The following YEATS4 variants were observed in gnomAD, a reference collection of about 807,000 sequenced individuals.
YEATS4 encodes the protein YEATS domain containing 4.
YEATS4 carries 17 observed loss-of-function variants against 30.1 expected under a neutral mutation model. The observed-to-expected ratio is 0.56, with a 90% CI of 0.39 to 0.85. The LOEUF (loss-of-function observed/expected upper bound fraction) is 0.85. Among genes scored for constraint, YEATS4 ranks in the 40% least tolerant of loss-of-function variants. YEATS4 has a pLI of 0.00. For synonymous variants in YEATS4, 85 were observed against 87.5 expected (o/e 0.97, Z 0.16); for missense variants, 142 against 268.3 (o/e 0.53, Z 3.29).
chr12:69,418,008 G>A, the YEATS4 span, among the ~76,000 whole-genome samples: 3 of 151,980 alleles, frequency 2.0e-5, no homozygotes, highest in Non-Finnish European at 4.4e-5. Flanking sequence ...TGGCTCTTTC[G>A]TTTACCTTAG....
At chr12:69,426,001 A>T in the YEATS4 span, among the ~76,000 whole-genome samples, 1 of 152,208 alleles carries the variant, frequency 6.6e-6, no homozygotes, top group African/African-American at 2.4e-5. Flanking sequence ...TTGGGAGGCC[A>T]AGGCAGGAGG....
At chr12:69,389,094 A>G (rs943789661) in intron 6 of YEATS4, among the ~76,000 whole-genome samples, 1 of 152,178 alleles carries the variant, frequency 6.6e-6, no homozygotes, top group African/African-American at 2.4e-5. Context: ...AAATTTTAGC[A>G]GTTATTGCCA....
intron 4 of YEATS4, among the ~76,000 whole-genome samples, chr12:69,367,895 C>G (rs963109574): frequency 6.6e-6 from 1 of 152,126 alleles, no homozygotes; most frequent in Non-Finnish European, 1.5e-5. Context: ...TGAGAATATG[C>G]TGCCTTACCT....
At chr12:69,381,142 T>G (rs1341986417) in intron 6 of YEATS4, among the ~76,000 whole-genome samples, 1 of 152,006 alleles carries the variant, frequency 6.6e-6, no homozygotes, top group Non-Finnish European at 1.5e-5. Flanking sequence ...AGCCTGGGAG[T>G]GCTACGGGAG....
chr12:69,407,629 A>C, the YEATS4 span, among the ~76,000 whole-genome samples: 1 of 150,788 alleles, frequency 6.6e-6, no homozygotes, highest in African/African-American at 2.4e-5. Flanking sequence ...TAGCACTGAG[A>C]ATGTCATGAT....
At position 69,359,920 on chromosome 12, in the gene YEATS4, C is replaced by T; in HGVS notation, c.-53C>T. Reference sequence around the variant, plus strand: ...GCGGTCTCTGAGGGGAGCGGCGACCCCGCCAGCCCCGGTCTCTTTCCCTGG... The same window carrying T: ...GCGGTCTCTGAGGGGAGCGGCGACCTCGCCAGCCCCGGTCTCTTTCCCTGG... On this transcript the variant is annotated 5_prime_UTR_variant, in exon 1 of 7. Coordinates refer to ENST00000247843, the MANE Select transcript of YEATS4 (RefSeq NM_006530.4). The T allele has an allele frequency of 1.2e-6, 2 of 1,606,256 alleles. No homozygotes were observed. Among genetic ancestry groups the T allele is most frequent in the East Asian group, 2.2e-5 (1 of 44,486 alleles).
intron 6 of YEATS4, among the ~76,000 whole-genome samples, chr12:69,381,236 G>A (rs1266207983): frequency 6.6e-6 from 1 of 152,146 alleles, no homozygotes; most frequent in Non-Finnish European, 1.5e-5. Context: ...TACCCTCAGG[G>A]ACACATTCTC....
intron 6 of YEATS4, among the ~76,000 whole-genome samples, chr12:69,382,173 G>T (rs926795438): frequency 2.0e-5 from 3 of 152,214 alleles, no homozygotes; most frequent in Admixed American, 6.5e-5. Context: ...AAGTATTCCA[G>T]TTGCACTGCA....
At chr12:69,400,531 C>A in the YEATS4 span, among the ~76,000 whole-genome samples, 3 of 151,004 alleles carry the variant, frequency 2.0e-5, no homozygotes, top group Non-Finnish European at 3.0e-5. Context: ...ACAAAAAATA[C>A]AAATGGTAAT....
chr12:69,400,712 G>A, the YEATS4 span, among the ~76,000 whole-genome samples: 5 of 149,464 alleles, frequency 3.3e-5, no homozygotes, highest in Admixed American at 6.7e-5. Flanking sequence ...AAAAAAAAAA[G>A]GATGTATGAA....
In YEATS4 at chr12:69,364,686, C is replaced by T. The variant is rs1875359835; in HGVS notation, c.172-947C>T. On this transcript the variant is annotated intron_variant, in intron 2 of 6. Transcript: ENST00000247843. ...CCTGGCTGGAATGCAATGGTGTGAT[C>T]TCAGCTTATTGCAACCTCCGCCTCC... Among the ~76,000 whole-genome samples, 8 of 152,168 alleles carry T rather than the reference C, an allele frequency of 5.3e-5. No individual in the cohort carries two copies. In the South Asian group the frequency reaches 1.4e-3, roughly 28 times the overall value.
chr12:69,398,958 G>A, the YEATS4 span, among the ~76,000 whole-genome samples: 2 of 151,868 alleles, frequency 1.3e-5, no homozygotes, highest in Non-Finnish European at 2.9e-5. Context: ...AGACCATCCT[G>A]GCTAACATGG....
At chr12:69,376,520 G>T (rs1228353118) in intron 6 of YEATS4, among the ~76,000 whole-genome samples, 4 of 152,156 alleles carry the variant, frequency 2.6e-5, no homozygotes, top group Non-Finnish European at 5.9e-5. Context: ...ACATTGATTT[G>T]CTCATGTTGA....
downstream of YEATS4, among the ~76,000 whole-genome samples, chr12:69,394,772 G>A (rs749599697): frequency 3.3e-5 from 5 of 151,998 alleles, no homozygotes; most frequent in Non-Finnish European, 7.4e-5. Flanking sequence ...GCTAATTTTT[G>A]TATATTTTGT....
At chr12:69,374,873 C>T (rs1298409986) in intron 6 of YEATS4, among the ~76,000 whole-genome samples, 10 of 152,144 alleles carry the variant, frequency 6.6e-5, no homozygotes, top group East Asian at 1.9e-4. Flanking sequence ...CATCATGGCC[C>T]GTTCTCAATG....
At chr12:69,399,846 T>C in the YEATS4 span, among the ~76,000 whole-genome samples, 4 of 152,186 alleles carry the variant, frequency 2.6e-5, no homozygotes, top group African/African-American at 4.8e-5. Flanking sequence ...ATGAATCTTA[T>C]AAACATGCCA....
At chr12:69,373,180 A>G (rs1875711416) in intron 6 of YEATS4, among the ~76,000 whole-genome samples, 1 of 152,194 alleles carries the variant, frequency 6.6e-6, no homozygotes, top group African/African-American at 2.4e-5. Context: ...GCTGGATCAT[A>G]TAGCTCTATT....
At chr12:69,394,934 T>C (rs965646687), downstream of YEATS4, among the ~76,000 whole-genome samples, 10 of 152,168 alleles carry the variant, frequency 6.6e-5, no homozygotes, top group Non-Finnish European at 1.5e-4. Flanking sequence ...AAACATACTA[T>C]ACTTTTATTT....
chr12:69,403,341 C>G, the YEATS4 span, among the ~76,000 whole-genome samples: 5 of 152,066 alleles, frequency 3.3e-5, no homozygotes, highest in Non-Finnish European at 5.9e-5. Context: ...CTTTGGGAGA[C>G]CTAGGCAGGC....
Sources: allele counts gnomAD v4.1 joint callset (sites outside exome capture counted in the v4.1 genomes callset), GRCh38; gene constraint gnomAD v4.1.1; transcripts MANE v1.5; gene names NCBI Gene and HGNC (gene_info 2026-07-23, HGNC 2026-07-21).